The following IFT140 variants were observed in gnomAD, a reference collection of about 807,000 sequenced individuals.
IFT140 encodes the protein intraflagellar transport 140.
Under a neutral mutation model 164.6 loss-of-function variants are expected in IFT140, and 133 were observed. The observed-to-expected ratio is 0.81, with a 90% CI of 0.70 to 0.93. The LOEUF (loss-of-function observed/expected upper bound fraction) is 0.93, where lower values mean the gene tolerates loss of function less well. Ranked by LOEUF, IFT140 falls within the 40% of genes least tolerant of loss-of-function variation. IFT140 has a pLI of 0.00. For missense variants in IFT140, 2,045 were observed against 1,972.3 expected (o/e 1.04, Z -0.70); for synonymous variants, 860 against 817.3 (o/e 1.05, Z -0.89).
intron 19 of IFT140, among the ~76,000 whole-genome samples, chr16:1,539,800 C>T (rs2031454878): frequency 6.6e-6 from 1 of 152,222 alleles, no homozygotes; most frequent in Non-Finnish European, 1.5e-5. Context: ...CCGCTCTCCC[C>T]CTTGCCAGCG....
chr16:1,549,395 C>T (rs917901111), intron 19 of IFT140, among the ~76,000 whole-genome samples: 8 of 152,366 alleles, frequency 5.3e-5, no homozygotes, highest in East Asian at 1.9e-4. Context: ...GCTCCCAGAA[C>T]GCGGCTCCAG....
chr16:1,583,664 T>C (rs571789685), intron 11 of IFT140, among the ~76,000 whole-genome samples: 2 of 152,172 alleles, frequency 1.3e-5, no homozygotes, highest in East Asian at 3.9e-4. Flanking sequence ...TCTCTTTCCT[T>C]TATTTACTTT....
Position 1,590,712 on chromosome 16 carries a change from C to T in IFT140, c.635-932G>A, listed in dbSNP as rs568873107. Among the ~76,000 whole-genome samples the T allele has an allele frequency of 6.9e-4, 105 of 152,332 alleles. 2 individuals carry two copies. In the South Asian group the frequency reaches 0.013, roughly 18 times the overall value. ...GGAGACTCCTCTGGGAGCCTTCTCA[C>T]CTGCCCCTCCCCTCTCATCTTTTTC... On this transcript the variant is annotated intron_variant, in intron 6 of 30. Transcript: ENST00000426508.
At chr16:1,590,288 C>T (rs1159835282) in intron 6 of IFT140, among the ~76,000 whole-genome samples, 1 of 152,118 alleles carries the variant, frequency 6.6e-6, no homozygotes, top group African/African-American at 2.4e-5. Context: ...TCAGCTCAGC[C>T]TCAAGCTGTC....
intron 3 of IFT140, among the ~76,000 whole-genome samples, chr16:1,605,737 G>A (rs2036025802): frequency 6.6e-6 from 1 of 152,100 alleles, no homozygotes; most frequent in Admixed American, 6.5e-5. Context: ...AGGTGCACTG[G>A]GCACCGAGAG....
At position 1,607,102 on chromosome 16, in the gene IFT140, T is replaced by C. The variant is rs763182465; in HGVS notation, c.147+18A>G. The C allele has an allele frequency of 1.9e-6, 3 of 1,612,790 alleles. No homozygotes were observed. The highest frequency in any genetic ancestry group is 2.5e-6 in the Non-Finnish European group (3 of 1,179,192). The stretch of plus-strand genomic sequence containing the variant: ...CCAGAAGCTACCACAGTCAGGCTCC[T>C]TGCTTCTGAGCACTCACTTGCTCCA... On this transcript the variant is annotated intron_variant, in intron 3 of 30. Transcript: ENST00000426508.
intron 26 of IFT140, among the ~76,000 whole-genome samples, chr16:1,521,127 G>C (rs2040514625): frequency 6.6e-6 from 1 of 152,206 alleles, no homozygotes; most frequent in African/African-American, 2.4e-5. Context: ...AATTTTTAAA[G>C]TTAAATTTTT....
At chr16:1,569,029 G>T (rs2033876743) in intron 14 of IFT140, among the ~76,000 whole-genome samples, 1 of 148,742 alleles carries the variant, frequency 6.7e-6, no homozygotes, top group African/African-American at 2.5e-5. Context: ...TTTTGAGACG[G>T]AGTCTCGCCC....
chr16:1,607,935 A>G (rs927072085), intron 2 of IFT140, among the ~76,000 whole-genome samples: 2 of 152,234 alleles, frequency 1.3e-5, no homozygotes, highest in Non-Finnish European at 2.9e-5. Context: ...GTGGGCCACC[A>G]CTGCCTTTTA....
chr16:1,518,154 AG>A (rs768293520), intron 30 of IFT140, 61 bp downstream of exon 30: 2 of 1,561,554 alleles, frequency 1.3e-6, no homozygotes, highest in Middle Eastern at 2.2e-4. Flanking sequence ...TGAGCCGTTA[AG>A]CCTTCGTTTC....
chr16:1,534,624 C>T (rs551552325), intron 19 of IFT140: 621 of 1,589,170 alleles, frequency 3.9e-4, no homozygotes, highest in South Asian at 1.4e-3. Flanking sequence ...AGATGTTAGG[C>T]GCGGACCTGG....
Position 1,553,551 on chromosome 16 carries a change from C to G in IFT140, c.2399+4384G>C. ...ACAAGTCCTCTATGGACAAGAGGGGCTGGAGAGTTTAATCTGGACCAGTGT... is the reference window on the plus strand; with the variant it reads ...ACAAGTCCTCTATGGACAAGAGGGGGTGGAGAGTTTAATCTGGACCAGTGT... On this transcript the variant is annotated intron_variant, in intron 19 of 30. Transcript: ENST00000426508. The surrounding 1 kb of genome is among the most constrained non-coding windows in gnomAD (Gnocchi z 4.4). 1.0e-6 allele frequency: 1 copy of G among 1,001,358 alleles called. No individual in the cohort carries two copies. Among genetic ancestry groups the G allele is most frequent in the South Asian group, 4.3e-5 (1 of 23,050 alleles). 62.0% of individuals were successfully genotyped at this position (1,001,358 alleles called of 1,614,324 possible).
intron 19 of IFT140, chr16:1,554,022 CCTT>C (rs1473448382): frequency 6.2e-6 from 8 of 1,287,236 alleles, no homozygotes; most frequent in Middle Eastern, 3.3e-4. Context: ...GCCCACCTCT[CCTT>C]CTCTGGTTTC....
At chr16:1,566,091 C>A (rs1211246043) in intron 16 of IFT140, 70 bp downstream of exon 16, 1 of 1,542,924 alleles carries the variant, frequency 6.5e-7, no homozygotes, top group Non-Finnish European at 8.9e-7. Context: ...TTAGCAACAA[C>A]CCGCCCAGAA....
intron 4 of IFT140, among the ~76,000 whole-genome samples, chr16:1,595,829 G>T (rs948803760): frequency 2.0e-5 from 3 of 152,064 alleles, no homozygotes; most frequent in Non-Finnish European, 4.4e-5. Flanking sequence ...GAGGTGAACA[G>T]ATCACTTGAG....
chr16:1,555,875 G>A (rs552684842), intron 19 of IFT140, among the ~76,000 whole-genome samples: 12 of 152,166 alleles, frequency 7.9e-5, no homozygotes, highest in African/African-American at 1.4e-4. Context: ...AGGCTGAGGC[G>A]GGCAGATCAT....
chr16:1,559,768 G>A (rs1247178895), intron 18 of IFT140, among the ~76,000 whole-genome samples: 1 of 152,212 alleles, frequency 6.6e-6, no homozygotes, highest in Non-Finnish European at 1.5e-5. Flanking sequence ...TCGGTAAAGC[G>A]AACATGCAAG....
chr16:1,608,255 G>A (rs1282552069), intron 2 of IFT140, among the ~76,000 whole-genome samples: 4 of 152,140 alleles, frequency 2.6e-5, no homozygotes, highest in African/African-American at 4.8e-5. Flanking sequence ...ATAAAGTGAC[G>A]GTCTGGTTAC....
chr16:1,607,553 G>A (rs966580608), intron 2 of IFT140, among the ~76,000 whole-genome samples: 5 of 152,182 alleles, frequency 3.3e-5, no homozygotes, highest in African/African-American at 9.6e-5. Flanking sequence ...GCCATCAAAG[G>A]AGGAAAGAAA....
Sources: allele counts gnomAD v4.1 joint callset (sites outside exome capture counted in the v4.1 genomes callset), GRCh38; gene constraint gnomAD v4.1.1; non-coding constraint Gnocchi (gnomAD v3.1); transcripts MANE v1.5; gene names NCBI Gene and HGNC (gene_info 2026-07-23, HGNC 2026-07-21).